Variants in MYRIP observed in about 807,000 individuals in gnomAD.
MYRIP encodes the protein rab effector MyRIP.
Under a neutral mutation model 98.0 loss-of-function variants are expected in MYRIP, and 49 were observed. The ratio of observed to expected loss-of-function variants is 0.50; its 90% confidence interval spans 0.40 to 0.63. The LOEUF is 0.63. MYRIP is among the 30% of genes least tolerant of loss of function. MYRIP has a pLI of 0.00. For synonymous variants in MYRIP, 404 were observed against 409.5 expected (o/e 0.99, Z 0.16); for missense variants, 1,004 against 1,058.2 (o/e 0.95, Z 0.71).
intron 12 of MYRIP, chr3:40,242,506 A>C (rs1419860420): frequency 1.3e-5 from 2 of 152,016 alleles, no homozygotes; most frequent in Non-Finnish European, 2.9e-5. Flanking sequence ...AAAAAAAAAA[A>C]AAAAAAGGAA....
At chr3:39,989,574 A>G (rs943686314) in intron 2 of MYRIP, among the ~76,000 whole-genome samples, 2 of 152,158 alleles carry the variant, frequency 1.3e-5, no homozygotes, top group Non-Finnish European at 2.9e-5. Flanking sequence ...CTGGGGGGAA[A>G]CCCACACATC....
At chr3:40,070,003 T>C (rs769080807) in intron 3 of MYRIP, among the ~76,000 whole-genome samples, 4 of 152,188 alleles carry the variant, frequency 2.6e-5, no homozygotes, top group Non-Finnish European at 5.9e-5. Context: ...CATGAAAAGA[T>C]ACATAGACAT....
intron 11 of MYRIP, among the ~76,000 whole-genome samples, chr3:40,219,683 C>T (rs571141370): frequency 3.3e-4 from 50 of 152,222 alleles, no homozygotes; most frequent in African/African-American, 1.1e-3. Context: ...TTTATGGCTG[C>T]ATAGTATTCC....
chr3:40,108,927 C>T (rs578007977), intron 3 of MYRIP, among the ~76,000 whole-genome samples: 33 of 152,276 alleles, frequency 2.2e-4, no homozygotes, highest in Admixed American at 1.1e-3. Context: ...CTATGGGGCT[C>T]TCACATTCAG....
intron 10 of MYRIP, among the ~76,000 whole-genome samples, chr3:40,192,345 T>TATATATATGTCATATATATATGTC (rs1559445055): frequency 8.2e-6 from 1 of 122,148 alleles, no homozygotes; most frequent in African/African-American, 3.0e-5. Flanking sequence ...ATATATGTCA[T>TATATATATGTCATATATATATGTC]ATATATATTT....
chr3:40,000,801 G>C (rs1466596716), intron 2 of MYRIP, among the ~76,000 whole-genome samples: 2 of 152,154 alleles, frequency 1.3e-5, no homozygotes, highest in African/African-American at 4.8e-5. Flanking sequence ...CAGCCACCAA[G>C]ACTCTAGTAT....
intron 3 of MYRIP, among the ~76,000 whole-genome samples, chr3:40,111,701 A>G (rs1418351192): frequency 6.6e-6 from 1 of 152,130 alleles, no homozygotes; most frequent in Non-Finnish European, 1.5e-5. Context: ...AAGATGGTTC[A>G]GCTTTTATCT....
chr3:40,190,590 A>T (rs780963218), intron 10 of MYRIP, 127 bp downstream of exon 10: 1 of 1,430,488 alleles, frequency 7.0e-7, no homozygotes, highest in Admixed American at 2.9e-5. Context: ...TTGGTTTTGC[A>T]GCTAAGTAGC....
chr3:40,026,053 C>T (rs2125812397), intron 2 of MYRIP, among the ~76,000 whole-genome samples: 1 of 152,088 alleles, frequency 6.6e-6, no homozygotes, highest in East Asian at 1.9e-4. Context: ...CCTAGTAAAC[C>T]TGACGGTAAT....
At chr3:40,068,807 A>G (rs781363625) in intron 3 of MYRIP, among the ~76,000 whole-genome samples, 5 of 152,182 alleles carry the variant, frequency 3.3e-5, no homozygotes, top group Non-Finnish European at 5.9e-5. Flanking sequence ...TTGTCTTTAC[A>G]TGTTCCCATG....
intron 1 of MYRIP, among the ~76,000 whole-genome samples, chr3:39,844,391 C>T (rs182236077): frequency 7.9e-5 from 12 of 152,320 alleles, no homozygotes; most frequent in Non-Finnish European, 1.6e-4. Context: ...TTATATCTCA[C>T]AGAATCATTC....
intron 2 of MYRIP, among the ~76,000 whole-genome samples, chr3:40,000,158 C>T (rs1946485186): frequency 1.3e-5 from 2 of 151,452 alleles, no homozygotes; most frequent in African/African-American, 2.4e-5. Flanking sequence ...CACATGTACC[C>T]TAAAACTTTA....
intron 2 of MYRIP, among the ~76,000 whole-genome samples, chr3:39,934,444 G>C (rs1016547732): frequency 6.6e-6 from 1 of 152,112 alleles, no homozygotes; most frequent in Non-Finnish European, 1.5e-5. Flanking sequence ...GACGAGTCTG[G>C]GACCCAGGCT....
intron 2 of MYRIP, among the ~76,000 whole-genome samples, chr3:39,984,481 G>GT (rs922174674): frequency 1.7e-4 from 26 of 151,994 alleles, no homozygotes; most frequent in Non-Finnish European, 8.8e-5. Context: ...GCAGTGTTTG[G>GT]TTTTTTGTTC....
At chr3:40,008,761 C>T (rs544210506) in intron 2 of MYRIP, among the ~76,000 whole-genome samples, 1 of 152,334 alleles carries the variant, frequency 6.6e-6, no homozygotes, top group South Asian at 2.1e-4. Context: ...TTATTCCAAT[C>T]AGCCCCCAAG....
chr3:40,232,460 C>T (rs1192013371), intron 11 of MYRIP, among the ~76,000 whole-genome samples: 1 of 152,188 alleles, frequency 6.6e-6, no homozygotes, highest in African/African-American at 2.4e-5. Flanking sequence ...CTCGGAGGAA[C>T]ACATTTTGCA....
At chr3:39,824,565 T>C (rs1400199307) in intron 1 of MYRIP, among the ~76,000 whole-genome samples, 1 of 151,698 alleles carries the variant, frequency 6.6e-6, no homozygotes, top group Non-Finnish European at 1.5e-5. Flanking sequence ...GTAGAGGTTT[T>C]TCACCTCCTT....
chr3:39,822,734 T>C (rs1447074937), intron 1 of MYRIP, among the ~76,000 whole-genome samples: 2 of 152,244 alleles, frequency 1.3e-5, no homozygotes, highest in Non-Finnish European at 2.9e-5. Context: ...CTTTCATTTG[T>C]ATGAGGTCAT....
chr3:40,002,134 A>G (rs1234059180), intron 2 of MYRIP, among the ~76,000 whole-genome samples: 1 of 152,210 alleles, frequency 6.6e-6, no homozygotes, highest in Non-Finnish European at 1.5e-5. Context: ...GCCTTTGATC[A>G]ATGTTGACTA....
Sources: allele counts gnomAD v4.1 joint callset (sites outside exome capture counted in the v4.1 genomes callset), GRCh38; gene constraint gnomAD v4.1.1; transcripts MANE v1.5; gene names NCBI Gene and HGNC (gene_info 2026-07-23, HGNC 2026-07-21).